Variants in WDSUB1 observed in about 807,000 individuals in gnomAD.
WDSUB1 encodes the protein WD repeat, sterile alpha motif and U-box domain containing 1.
Under a neutral mutation model 53.9 loss-of-function variants are expected in WDSUB1, and 49 were observed. The ratio of observed to expected loss-of-function variants is 0.91; its 90% confidence interval spans 0.72 to 1.15. The LOEUF (loss-of-function observed/expected upper bound fraction) is 1.15. WDSUB1 is among the 50% of genes most tolerant of loss of function. WDSUB1 has a pLI of 0.00. For missense variants in WDSUB1, 514 were observed against 562.0 expected (o/e 0.91, Z 0.86); for synonymous variants, 194 against 200.6 (o/e 0.97, Z 0.28).
At chr2:159,244,540 T>C (rs577260389) in intron 10 of WDSUB1, among the ~76,000 whole-genome samples, 2 of 152,350 alleles carry the variant, frequency 1.3e-5, no homozygotes, top group South Asian at 4.1e-4. Flanking sequence ...AGTTGGTTAC[T>C]GAAGGATGAC....
At chr2:159,246,963 G>GTAT (rs2060812468) in intron 10 of WDSUB1, among the ~76,000 whole-genome samples, 2 of 151,864 alleles carry the variant, frequency 1.3e-5, no homozygotes, top group Non-Finnish European at 2.9e-5. Context: ...GTCACGTGTG[G>GTAT]TTTTTTTTGT....
intron 5 of WDSUB1, among the ~76,000 whole-genome samples, chr2:159,263,009 A>C (rs949036563): frequency 6.6e-6 from 1 of 152,194 alleles, no homozygotes; most frequent in African/African-American, 2.4e-5. Flanking sequence ...CTCCATTCCT[A>C]CAGTTTTGTG....
At position 159,257,821 on chromosome 2, in the gene WDSUB1, C is replaced by G; in HGVS notation, c.889G>C (p.Ala297Pro). 1 of 1,614,138 alleles carries G rather than the reference C, an allele frequency of 6.2e-7. No individual in the cohort carries two copies. Reference sequence around the variant, plus strand: ...ACTGTTTTGTCCATTGAACCAGTAGCAAGTAAAAGGGTATTAGGTGCAAAA... The same window carrying G: ...ACTGTTTTGTCCATTGAACCAGTAGGAAGTAAAAGGGTATTAGGTGCAAAA... ...CAFAPNTLLL[A>P]TGSMDKTVNI... Residue 297 changes from alanine (A) to proline (P), a missense_variant, in exon 8 of 11, where the codon GCT becomes CCT. Transcript: ENST00000359774.
intron 5 of WDSUB1, among the ~76,000 whole-genome samples, chr2:159,261,884 A>T (rs1349146459): frequency 3.0e-4 from 6 of 19,748 alleles, no homozygotes; most frequent in Admixed American, 9.9e-4. Flanking sequence ...ATATATATAT[A>T]TATATATATA....
intron 4 of WDSUB1, among the ~76,000 whole-genome samples, chr2:159,273,040 T>C (rs572101724): frequency 2.7e-4 from 41 of 152,292 alleles, no homozygotes; most frequent in African/African-American, 9.4e-4. Flanking sequence ...GTTAAATGTC[T>C]TTTAGTGAGG....
chr2:159,266,274 C>T (rs924316190), intron 5 of WDSUB1, among the ~76,000 whole-genome samples: 11 of 151,926 alleles, frequency 7.2e-5, no homozygotes, highest in African/African-American at 2.4e-4. Context: ...CCGCAAGCAC[C>T]GCCTCCCGGG....
At chr2:159,254,492 T>C (rs6749777) in intron 9 of WDSUB1, among the ~76,000 whole-genome samples, 63,953 of 151,924 alleles carry the variant, frequency 0.42, 14,745 homozygotes, top group Non-Finnish European at 0.54. Context: ...GCCTAGGAGG[T>C]TGAAGCTGCA....
chr2:159,263,337 T>G (rs574161125), intron 5 of WDSUB1, among the ~76,000 whole-genome samples: 1 of 152,230 alleles, frequency 6.6e-6, no homozygotes, highest in African/African-American at 2.4e-5. Flanking sequence ...TAGAAAGGAT[T>G]TGCAGTCTCT....
intron 10 of WDSUB1, among the ~76,000 whole-genome samples, chr2:159,244,669 TATCTC>T (rs1293596202): frequency 6.6e-6 from 1 of 152,182 alleles, no homozygotes; most frequent in East Asian, 1.9e-4. Context: ...TCACACGTCT[TATCTC>T]AGCACTTTGG....
Position 159,261,796 on chromosome 2 carries a change from A to AC in WDSUB1, c.771-1954dup, listed in dbSNP as rs575938808. Reference sequence around the variant, plus strand: ...GGGGGTCAGGAGCATGTTAAATATTACTTTTCAAGATTATATGATGAGATG... The same window carrying AC: ...GGGGGTCAGGAGCATGTTAAATATTACCTTTTCAAGATTATATGATGAGATG... On this transcript the variant is annotated intron_variant, in intron 5 of 10. Transcript: ENST00000359774. 3.7e-3 allele frequency among the ~76,000 whole-genome samples: 504 copies of AC among 136,700 alleles called. 7 individuals are homozygous for AC. The highest frequency in any genetic ancestry group is 0.013 in the African/African-American group (482 of 36,822). 89.7% of individuals were successfully genotyped at this position (136,700 alleles called of 152,430 possible). A position where few individuals can be genotyped will look rare whatever the true frequency, so the allele number is the denominator to read the frequency against.
chr2:159,237,320 A>G (rs576916270), intron 10 of WDSUB1, among the ~76,000 whole-genome samples: 5 of 152,304 alleles, frequency 3.3e-5, no homozygotes, highest in Non-Finnish European at 5.9e-5. Context: ...CAGGTGTTTG[A>G]GACCAGCCTG....
chr2:159,279,647 A>G, intron 3 of WDSUB1, 114 bp downstream of exon 3: 1 of 849,166 alleles, frequency 1.2e-6, no homozygotes, highest in Non-Finnish European at 1.6e-6. Flanking sequence ...ATAAATTAAG[A>G]GGGCTCCTCA....
intron 5 of WDSUB1, among the ~76,000 whole-genome samples, chr2:159,268,842 C>G (rs2061394006): frequency 6.6e-6 from 1 of 151,848 alleles, no homozygotes; most frequent in African/African-American, 2.4e-5. Flanking sequence ...AAAAGTGACA[C>G]CACTGAAAAA....
intron 10 of WDSUB1, among the ~76,000 whole-genome samples, chr2:159,237,497 G>A (rs1018545379): frequency 6.7e-6 from 1 of 148,910 alleles, no homozygotes; most frequent in Admixed American, 6.6e-5. Context: ...CTCCAGCCTG[G>A]GTGACAGAGC....
At position 159,273,360 on chromosome 2, in the gene WDSUB1, T is replaced by G. The variant is rs1182239725; in HGVS notation, c.677-1565A>C. On this transcript the variant is annotated intron_variant, in intron 4 of 10. Coordinates refer to ENST00000359774, the MANE Select transcript of WDSUB1 (RefSeq NM_001128212.3). ...TAAGACCCATATGTCTCTCTACTCC[T>G]CCCTACAAATAAGCAAATAATAAGG... Among the ~76,000 whole-genome samples, 5 of 152,308 alleles carry G rather than the reference T, an allele frequency of 3.3e-5. No homozygotes were observed. The East Asian group carries it at 7.7e-4, about 23-fold the overall frequency.
intron 9 of WDSUB1, among the ~76,000 whole-genome samples, chr2:159,255,299 T>C (rs768799067): frequency 1.3e-5 from 2 of 151,548 alleles, no homozygotes; most frequent in African/African-American, 2.4e-5. Flanking sequence ...AACCCTGTCT[T>C]TACTAAAAAT....
intron 5 of WDSUB1, among the ~76,000 whole-genome samples, chr2:159,269,432 A>G (rs559067697): frequency 1.6e-4 from 25 of 152,088 alleles, no homozygotes; most frequent in Non-Finnish European, 2.9e-4. Flanking sequence ...CTGCCTCCCA[A>G]AGTGCTGGGA....
intron 10 of WDSUB1, among the ~76,000 whole-genome samples, chr2:159,244,931 A>G (rs191092249): frequency 2.3e-4 from 35 of 152,286 alleles, no homozygotes; most frequent in Middle Eastern, 6.8e-3. Context: ...CCTCATCTCT[A>G]AAAAGTAAAA....
At chr2:159,251,847 G>A (rs529894479) in intron 9 of WDSUB1, among the ~76,000 whole-genome samples, 5 of 152,172 alleles carry the variant, frequency 3.3e-5, no homozygotes, top group African/African-American at 1.2e-4. Flanking sequence ...AGAAGGTAAC[G>A]GGGTTCCGGA....
Sources: allele counts gnomAD v4.1 joint callset (sites outside exome capture counted in the v4.1 genomes callset), GRCh38; gene constraint gnomAD v4.1.1; transcripts MANE v1.5; gene names NCBI Gene and HGNC (gene_info 2026-07-23, HGNC 2026-07-21).